L3MBTL4: variants seen among roughly 807,000 people sequenced by gnomAD.
L3MBTL4 encodes the protein lethal(3)malignant brain tumor-like protein 4.
Under a neutral mutation model 84.5 loss-of-function variants are expected in L3MBTL4, and 70 were observed. That is an observed-to-expected ratio of 0.83 (90% CI 0.68 to 1.01). The LOEUF is 1.01. Ranked by LOEUF, L3MBTL4 falls within the 50% of genes least tolerant of loss-of-function variation. L3MBTL4 has a pLI of 0.00. For synonymous variants in L3MBTL4, 274 were observed against 259.8 expected, an observed-to-expected ratio of 1.05 and a Z score of -0.52; for missense variants, 715 against 754.8, an observed-to-expected ratio of 0.95 and a Z score of 0.62.
intron 4 of L3MBTL4, among the ~76,000 whole-genome samples, chr18:6,272,914 G>C (rs879825977): frequency 2.0e-3 from 181 of 89,602 alleles, no homozygotes; most frequent in Middle Eastern, 0.015. Flanking sequence ...GAATACAGAA[G>C]AGTTCTGACA....
In L3MBTL4 at chr18:6,118,969, A is replaced by G. The variant is rs539481329; in HGVS notation, c.1199+19225T>C. 2.4e-5 allele frequency among the ~76,000 whole-genome samples: 3 copies of G among 124,676 alleles called. No homozygotes were observed. In the East Asian group the frequency reaches 7.5e-4, roughly 31 times the overall value. 81.8% of individuals were successfully genotyped at this position (124,676 alleles called of 152,430 possible). A position where few individuals can be genotyped will look rare whatever the true frequency, so the allele number is the denominator to read the frequency against. ...CAATTTTACCAGAACTTTCTAATAGATTTGGCACAGTTTTTTTTGGTTTCT... is the reference window on the plus strand; with the variant it reads ...CAATTTTACCAGAACTTTCTAATAGGTTTGGCACAGTTTTTTTTGGTTTCT... On this transcript the variant is annotated intron_variant, in intron 14 of 18. Transcript: ENST00000317931.
At chr18:6,100,541 G>T (rs143009386) in intron 14 of L3MBTL4, among the ~76,000 whole-genome samples, 147 of 152,324 alleles carry the variant, frequency 9.7e-4, no homozygotes, top group African/African-American at 3.4e-3. Flanking sequence ...TTGGTATAAT[G>T]AGTGATTTGG....
At chr18:5,961,439 G>A (rs1376227588) in intron 17 of L3MBTL4, among the ~76,000 whole-genome samples, 1 of 152,216 alleles carries the variant, frequency 6.6e-6, no homozygotes, top group East Asian at 1.9e-4. Flanking sequence ...GCTATATTTA[G>A]TCTGTGCAAA....
Position 6,215,816 on chromosome 18 carries a change from A to C in L3MBTL4, c.804T>G (p.Asn268Lys). The C allele has an allele frequency of 6.3e-7, 1 of 1,599,944 alleles. No individual in the cohort carries two copies. The highest frequency in any genetic ancestry group is 8.5e-7 in the Non-Finnish European group (1 of 1,172,410). ...IAPQGYPNPENFSWTEYLEAT... is the reference protein window; with the variant it reads ...IAPQGYPNPEKFSWTEYLEAT... ...CTTCCAGGTATTCTGTCCAGGAAAAATTTTCTGGATTGGGATAACCTGAAA... is the reference window on the plus strand; with the variant it reads ...CTTCCAGGTATTCTGTCCAGGAAAACTTTTCTGGATTGGGATAACCTGAAA... Residue 268 changes from asparagine to lysine, a missense_variant, in exon 11 of 19, where the codon AAT becomes AAG. Physicochemically the swap from Asn to Lys is moderately conservative, Grantham distance 94. Transcript: ENST00000317931.
intron 14 of L3MBTL4, among the ~76,000 whole-genome samples, chr18:6,095,671 A>T (rs543235132): frequency 6.6e-6 from 1 of 152,172 alleles, no homozygotes; most frequent in South Asian, 2.1e-4. Context: ...TTTTAACACC[A>T]TCAAAAAAAG....
chr18:6,324,503 G>A (rs1476272535), intron 1 of L3MBTL4, among the ~76,000 whole-genome samples: 2 of 152,230 alleles, frequency 1.3e-5, no homozygotes, highest in African/African-American at 2.4e-5. Flanking sequence ...TGGACCAAAG[G>A]CACTCAACTC....
chr18:6,031,515 C>T, intron 16 of L3MBTL4: 1 of 984,746 alleles, frequency 1.0e-6, no homozygotes, highest in Non-Finnish European at 1.2e-6. Flanking sequence ...TTAGTTCACA[C>T]ATCTGTTTGT....
chr18:6,098,595 G>T (rs772982902), intron 14 of L3MBTL4, among the ~76,000 whole-genome samples: 3 of 152,110 alleles, frequency 2.0e-5, no homozygotes, highest in African/African-American at 4.8e-5. Context: ...AAGTAAAGTC[G>T]CCCAAAATAG....
Position 6,291,769 on chromosome 18 carries a change from G to A in L3MBTL4, c.127+10134C>T, listed in dbSNP as rs561855140. Among the ~76,000 whole-genome samples the A allele has an allele frequency of 3.3e-4, 50 of 152,276 alleles. 1 individual carries two copies. The highest frequency in any genetic ancestry group is 3.4e-3 in the Middle Eastern group (1 of 294). ...TACTAGAAGAAAACATTGAAGAAAT[G>A]CTCCAGAACATTAGTCTGGGCAAAG... On this transcript the variant is annotated intron_variant, in intron 4 of 18. Coordinates refer to ENST00000317931, the MANE Select transcript of L3MBTL4 (RefSeq NM_001330559.2).
intron 5 of L3MBTL4, among the ~76,000 whole-genome samples, chr18:6,262,252 G>A (rs2048439039): frequency 6.6e-6 from 1 of 152,146 alleles, no homozygotes; most frequent in Non-Finnish European, 1.5e-5. Flanking sequence ...GAAAGGGCAA[G>A]GTGACTGTGA....
At chr18:6,161,840 A>C (rs993922569) in intron 13 of L3MBTL4, among the ~76,000 whole-genome samples, 6 of 152,030 alleles carry the variant, frequency 3.9e-5, no homozygotes, top group Non-Finnish European at 8.8e-5. Flanking sequence ...CAGCTGTGTG[A>C]TTTTATTCTA....
chr18:6,135,248 C>T (rs951279673), intron 14 of L3MBTL4, among the ~76,000 whole-genome samples: 2 of 152,182 alleles, frequency 1.3e-5, no homozygotes, highest in Non-Finnish European at 2.9e-5. Context: ...ACTTTTTCCT[C>T]CTGGGCCTCC....
intron 5 of L3MBTL4, among the ~76,000 whole-genome samples, chr18:6,263,678 A>C (rs2048506667): frequency 6.6e-6 from 1 of 152,190 alleles, no homozygotes; most frequent in African/African-American, 2.4e-5. Flanking sequence ...CAACCACCCA[A>C]GGAGAAAGGT....
At chr18:6,072,882 ATATATATATATATATATATAT>A (rs2057726468) in intron 16 of L3MBTL4, among the ~76,000 whole-genome samples, 2 of 16,690 alleles carry the variant, frequency 1.2e-4, no homozygotes, top group African/African-American at 4.3e-4. Flanking sequence ...AAAAAAAAAA[ATATATATATATATATATATAT>A]ATATATATAT....
chr18:6,221,594 T>C (rs903733263), intron 10 of L3MBTL4, among the ~76,000 whole-genome samples: 2 of 152,186 alleles, frequency 1.3e-5, no homozygotes, highest in African/African-American at 2.4e-5. Flanking sequence ...GACTTGCAAT[T>C]TGTAGAAATC....
In L3MBTL4 at chr18:6,215,793, T is replaced by G; in HGVS notation, c.827A>C (p.Glu276Ala). The change falls in exon 11 of 19, where the codon GAA (glutamate) becomes GCA (alanine). Residue 276 changes from glutamate (E) to alanine (A), a missense_variant. Coordinates refer to ENST00000317931, the MANE Select transcript of L3MBTL4 (RefSeq NM_001330559.2). Reference sequence around the variant, plus strand: ...AGGAACTGCATTGGTTTGAGTAGCTTCCAGGTATTCTGTCCAGGAAAAATT... The same window carrying G: ...AGGAACTGCATTGGTTTGAGTAGCTGCCAGGTATTCTGTCCAGGAAAAATT... ...PENFSWTEYL[E>A]ATQTNAVPAK... 6.2e-7 allele frequency: 1 copy of G among 1,608,274 alleles called. No homozygotes were observed. Among genetic ancestry groups the G allele is most frequent in the Non-Finnish European group, 8.5e-7 (1 of 1,177,448 alleles).
intron 14 of L3MBTL4, among the ~76,000 whole-genome samples, chr18:6,134,568 G>A (rs1383655339): frequency 6.6e-6 from 1 of 152,132 alleles, no homozygotes; most frequent in East Asian, 1.9e-4. Context: ...TTCCAAATGG[G>A]AGAAATTGGC....
At chr18:6,237,941 G>A (rs1418532548) in intron 10 of L3MBTL4, 23 bp downstream of exon 10, 12 of 1,604,630 alleles carry the variant, frequency 7.5e-6, no homozygotes, top group Non-Finnish European at 1.0e-5. Context: ...TGACTTCAAA[G>A]AAAACCCAGG....
intron 4 of L3MBTL4, among the ~76,000 whole-genome samples, chr18:6,274,666 T>C (rs2049007111): frequency 6.6e-6 from 1 of 152,186 alleles, no homozygotes; most frequent in East Asian, 1.9e-4. Flanking sequence ...TTTTTGTGGA[T>C]GTTTTGATTT....
Sources: allele counts gnomAD v4.1 joint callset (sites outside exome capture counted in the v4.1 genomes callset), GRCh38; gene constraint gnomAD v4.1.1; transcripts MANE v1.5; gene names NCBI Gene and HGNC (gene_info 2026-07-23, HGNC 2026-07-21).